GRID1: variants seen among roughly 807,000 people sequenced by gnomAD.
The protein encoded by GRID1 is glutamate receptor ionotropic, delta-1.
Under a neutral mutation model 98.0 loss-of-function variants are expected in GRID1, and 28 were observed. The ratio of observed to expected loss-of-function variants is 0.29; its 90% CI spans 0.21 to 0.39. The LOEUF is 0.39. Among genes scored for constraint, GRID1 ranks in the 10% least tolerant of loss-of-function variants. GRID1 has a pLI of 1.00. For missense variants in GRID1, 1,111 were observed against 1,340.5 expected, an observed-to-expected ratio of 0.83 and a Z score of 2.67; for synonymous variants, 553 against 538.5, an observed-to-expected ratio of 1.03 and a Z score of -0.37.
chr10:86,254,593 G>A (rs1360288640), intron 2 of GRID1, among the ~76,000 whole-genome samples: 1 of 152,216 alleles, frequency 6.6e-6, no homozygotes, highest in East Asian at 1.9e-4. Context: ...CCCATAGTGC[G>A]GGAGCCTGGA....
chr10:85,990,170 A>C (rs539043825), intron 4 of GRID1, among the ~76,000 whole-genome samples: 1 of 152,168 alleles, frequency 6.6e-6, no homozygotes, highest in Non-Finnish European at 1.5e-5. Flanking sequence ...CAAAAACATG[A>C]CCTGTTGATC....
At chr10:85,871,824 T>C (rs1010204995) in intron 5 of GRID1, among the ~76,000 whole-genome samples, 2 of 152,238 alleles carry the variant, frequency 1.3e-5, no homozygotes, top group South Asian at 2.1e-4. Context: ...TGTATCCTTT[T>C]AGGATAATTA....
At chr10:85,728,452 G>A (rs1841786990) in intron 9 of GRID1, among the ~76,000 whole-genome samples, 1 of 152,238 alleles carries the variant, frequency 6.6e-6, no homozygotes, top group Non-Finnish European at 1.5e-5. Context: ...ATCCAGGATA[G>A]TAAGTGGCGA....
chr10:85,672,086 C>A (rs1320420566), intron 12 of GRID1, among the ~76,000 whole-genome samples: 1 of 152,170 alleles, frequency 6.6e-6, no homozygotes, highest in Non-Finnish European at 1.5e-5. Flanking sequence ...AGCAAGTCAT[C>A]CAGAAGATCT....
intron 2 of GRID1, among the ~76,000 whole-genome samples, chr10:86,236,682 C>A (rs368274864): frequency 6.6e-6 from 1 of 152,180 alleles, no homozygotes; most frequent in Non-Finnish European, 1.5e-5. Context: ...GGACCCATTA[C>A]GGGAGCACTG....
chr10:85,881,482 C>T (rs1314321832), intron 5 of GRID1, among the ~76,000 whole-genome samples: 1 of 152,136 alleles, frequency 6.6e-6, no homozygotes, highest in South Asian at 2.1e-4. Flanking sequence ...TATCTACAAC[C>T]AGCTGATCTT....
At chr10:85,995,969 T>C (rs1334200115) in intron 4 of GRID1, among the ~76,000 whole-genome samples, 1 of 152,204 alleles carries the variant, frequency 6.6e-6, no homozygotes, top group Non-Finnish European at 1.5e-5. Context: ...ACCATTAGGT[T>C]CCAGACTGGC....
chr10:85,819,784 G>A (rs183608039), intron 8 of GRID1, among the ~76,000 whole-genome samples: 53 of 152,058 alleles, frequency 3.5e-4, no homozygotes, highest in African/African-American at 1.2e-3. Context: ...CATGGTGGTG[G>A]GCACCTGTAA....
At chr10:85,849,439 A>G (rs1843037518) in intron 8 of GRID1, among the ~76,000 whole-genome samples, 1 of 152,192 alleles carries the variant, frequency 6.6e-6, no homozygotes, top group African/African-American at 2.4e-5. Flanking sequence ...GTAAAGGAGA[A>G]TGAGGCCCTT....
chr10:85,726,814 G>C (rs563854581), intron 10 of GRID1, among the ~76,000 whole-genome samples: 1 of 152,286 alleles, frequency 6.6e-6, no homozygotes, highest in South Asian at 2.1e-4. Flanking sequence ...ATGGCGTGAC[G>C]GAAGTATTCT....
intron 4 of GRID1, among the ~76,000 whole-genome samples, chr10:86,081,807 G>T (rs1223645314): frequency 6.6e-6 from 1 of 152,188 alleles, no homozygotes; most frequent in African/African-American, 2.4e-5. Context: ...TGACATTCTA[G>T]AAAAGGCAAA....
intron 3 of GRID1, among the ~76,000 whole-genome samples, chr10:86,198,336 G>C (rs1184735832): frequency 3.9e-5 from 6 of 152,036 alleles, no homozygotes; most frequent in African/African-American, 1.4e-4. Flanking sequence ...TGACCCCCAA[G>C]CTCTCTCTGT....
chr10:86,286,297 C>G (rs922307577), intron 2 of GRID1, among the ~76,000 whole-genome samples: 1 of 152,150 alleles, frequency 6.6e-6, no homozygotes, highest in Non-Finnish European at 1.5e-5. Flanking sequence ...CCTGGACCAA[C>G]CCAGCACTGA....
intron 8 of GRID1, among the ~76,000 whole-genome samples, chr10:85,784,527 G>A (rs891700014): frequency 1.3e-5 from 2 of 152,198 alleles, no homozygotes; most frequent in South Asian, 2.1e-4. Context: ...AATGATGGCC[G>A]TGCATCTCCC....
chr10:86,305,994 G>T (rs1847754205), intron 2 of GRID1, among the ~76,000 whole-genome samples: 1 of 152,114 alleles, frequency 6.6e-6, no homozygotes, highest in Non-Finnish European at 1.5e-5. Flanking sequence ...CATAACTTGG[G>T]GGTGATCAGT....
chr10:85,989,641 G>A (rs1439134871), intron 4 of GRID1, among the ~76,000 whole-genome samples: 1 of 152,212 alleles, frequency 6.6e-6, no homozygotes, highest in Non-Finnish European at 1.5e-5. Context: ...CTGGTGATCT[G>A]AAATGGAACA....
chr10:85,998,653 T>G (rs1381506629), intron 4 of GRID1, among the ~76,000 whole-genome samples: 1 of 151,638 alleles, frequency 6.6e-6, no homozygotes, highest in Non-Finnish European at 1.5e-5. Flanking sequence ...AGATCAGAAA[T>G]CAAAGAAATT....
At chr10:85,741,174 A>G (rs148483639) in intron 8 of GRID1, among the ~76,000 whole-genome samples, 113 of 152,180 alleles carry the variant, frequency 7.4e-4, no homozygotes, top group African/African-American at 2.7e-3. Context: ...AATGGCTGGA[A>G]TTTCATTCTT....
intron 8 of GRID1, among the ~76,000 whole-genome samples, chr10:85,751,305 C>T (rs889391914): frequency 2.0e-5 from 3 of 152,150 alleles, no homozygotes; most frequent in East Asian, 1.9e-4. Flanking sequence ...ATTAGGGTAG[C>T]GCCAGGTTGG....
Sources: gnomAD v4.1 joint callset for allele counts (sites outside exome capture counted in the v4.1 genomes callset) on GRCh38, gnomAD v4.1.1 for gene constraint, MANE v1.5 for transcripts, NCBI Gene and HGNC (gene_info 2026-07-23, HGNC 2026-07-21) for gene names.